Variants in MET observed in about 807,000 individuals in gnomAD.
MET encodes MET proto-oncogene, receptor tyrosine kinase.
In MET, 48 loss-of-function variants were observed where a neutral mutation model predicts 133.1. The ratio of observed to expected loss-of-function variants is 0.36; its 90% CI spans 0.29 to 0.46. The LOEUF is 0.46. Among genes scored for constraint, MET ranks in the 20% least tolerant of loss-of-function variants. MET has a pLI of 1.00. For missense variants in MET, 1,442 were observed against 1,695.9 expected (o/e 0.85, Z 2.63); for synonymous variants, 628 against 616.5 (o/e 1.02, Z -0.28).
At chr7:116,734,428 A>T (rs1370635970) in intron 3 of MET, among the ~76,000 whole-genome samples, 1 of 152,230 alleles carries the variant, frequency 6.6e-6, no homozygotes, top group Non-Finnish European at 1.5e-5. Flanking sequence ...GTTGGGTGCA[A>T]AGTGAATCAG....
intron 5 of MET, among the ~76,000 whole-genome samples, chr7:116,753,798 C>G (rs1478211081): frequency 6.6e-6 from 1 of 152,114 alleles, no homozygotes; most frequent in Admixed American, 6.6e-5. Flanking sequence ...TGGTATACAT[C>G]AAATAGTGAC....
At position 116,771,893 on chromosome 7, in the gene MET, C is replaced by T. The variant is rs2116996437; in HGVS notation, c.2932C>T (p.Pro978Ser). ...LVRYDARVHTPHLDRLVSARS... is the reference protein window; with the variant it reads ...LVRYDARVHTSHLDRLVSARS... The stretch of plus-strand genomic sequence containing the variant: ...TCGCTACGATGCAAGAGTACACACT[C>T]CTCATTTGGATAGGCTTGTAAGTGC... The change falls in exon 14 of 21, where the codon CCT becomes TCT. Residue 978 changes from proline to serine, a missense_variant. Physicochemically the swap from Pro to Ser is moderately conservative, Grantham distance 74 (BLOSUM62 -1). Coordinates refer to ENST00000397752, the MANE Select transcript of MET (RefSeq NM_000245.4). 1.9e-6 allele frequency: 3 copies of T among 1,613,900 alleles called. No homozygotes were observed. Among genetic ancestry groups the T allele is most frequent in the Non-Finnish European group, 2.5e-6 (3 of 1,179,874 alleles).
At chr7:116,685,343 C>T (rs1486326736) in intron 1 of MET, among the ~76,000 whole-genome samples, 1 of 152,210 alleles carries the variant, frequency 6.6e-6, no homozygotes, top group Non-Finnish European at 1.5e-5. Context: ...GGGACTCAAA[C>T]ATCCAACTGC....
intron 3 of MET, among the ~76,000 whole-genome samples, chr7:116,732,234 A>G (rs376408065): frequency 6.6e-6 from 1 of 152,222 alleles, no homozygotes; most frequent in Admixed American, 6.5e-5. Flanking sequence ...TGTGTGAACC[A>G]TGCATCTTCA....
chr7:116,700,042 G>A lies in MET; in HGVS notation c.958G>A (p.Ala320Thr), dbSNP rs2116601833. The A allele has an allele frequency of 6.2e-7, 1 of 1,613,952 alleles. No homozygotes were observed. The highest frequency in any genetic ancestry group is 8.5e-7 in the Non-Finnish European group (1 of 1,179,960). Residue 320 changes from alanine to threonine, a missense_variant, in exon 2 of 21, where the codon GCG becomes ACG. By Grantham distance (58) the Ala-to-Thr change is moderately conservative (BLOSUM62 0). Around this residue, in one of 6 missense-constraint regions of MET, gnomAD observed 762 missense variants for 792.4 expected, o/e 0.96. Coordinates refer to ENST00000397752, the MANE Select transcript of MET (RefSeq NM_000245.4). ...GGAAGTGTTTAATATACTTCAGGCT[G>A]CGTATGTCAGCAAGCCTGGGGCCCA... is the stretch of plus-strand genomic sequence containing the variant. ...KKEVFNILQA[A>T]YVSKPGAQLA...
At chr7:116,674,496 T>C (rs948354471) in intron 1 of MET, among the ~76,000 whole-genome samples, 1 of 152,240 alleles carries the variant, frequency 6.6e-6, no homozygotes, top group Non-Finnish European at 1.5e-5. Context: ...TAGCTGTTTT[T>C]AAAATAGTGT....
intron 14 of MET, among the ~76,000 whole-genome samples, chr7:116,774,560 A>G (rs531739175): frequency 1.3e-5 from 2 of 152,330 alleles, no homozygotes; most frequent in Admixed American, 1.3e-4. Context: ...CAATTGCTCA[A>G]CTACCTTTGC....
intron 5 of MET, 133 bp from the exon 6 acceptor site, chr7:116,755,222 T>A: frequency 8.9e-7 from 1 of 1,117,660 alleles, no homozygotes; most frequent in Non-Finnish European, 1.3e-6. Flanking sequence ...GAAAATTAAA[T>A]TTTTACTAAA....
In MET at chr7:116,757,173, C is replaced by T. The variant is rs552517211; in HGVS notation, c.1863-264C>T. The stretch of plus-strand genomic sequence containing the variant: ...CCTTGAGCCCAGGAGTTCAAGGCTG[C>T]AGTGAGCTATGACTATGCCACTGCC... On this transcript the variant is annotated intron_variant, in intron 6 of 20. Transcript: ENST00000397752. Among the ~76,000 whole-genome samples the T allele has an allele frequency of 2.6e-5, 4 of 152,264 alleles. No homozygotes were observed. The East Asian group carries it at 7.7e-4, about 29-fold the overall frequency.
chr7:116,737,552 A>G (rs941998316), intron 3 of MET, among the ~76,000 whole-genome samples: 5 of 152,214 alleles, frequency 3.3e-5, no homozygotes, highest in African/African-American at 1.2e-4. Context: ...AATCTGACTC[A>G]TGTACTTTCT....
At chr7:116,692,325 C>T (rs1414341893) in intron 1 of MET, among the ~76,000 whole-genome samples, 1 of 152,164 alleles carries the variant, frequency 6.6e-6, no homozygotes, top group Non-Finnish European at 1.5e-5. Flanking sequence ...GAAAATTAAT[C>T]CCTAAAGAAA....
chr7:116,748,058 C>T (rs1250378386), intron 5 of MET, among the ~76,000 whole-genome samples: 2 of 152,190 alleles, frequency 1.3e-5, no homozygotes, highest in African/African-American at 4.8e-5. Flanking sequence ...TCCTGACTAA[C>T]ATGGTGAAAC....
chr7:116,771,534 G>A lies in MET; in HGVS notation c.2767G>A (p.Val923Ile), dbSNP rs1794832354. 1 of 1,613,874 alleles carries A rather than the reference G, an allele frequency of 6.2e-7. No homozygotes were observed. The highest frequency in any genetic ancestry group is 1.3e-5 in the African/African-American group (1 of 75,022). ...QAISSTVLGK[V>I]IVQPDQNFTG... ...AATTTCTTCAACCGTCCTTGGAAAAGTAATAGTTCAACCAGATCAGAATTT... is the reference window on the plus strand; with the variant it reads ...AATTTCTTCAACCGTCCTTGGAAAAATAATAGTTCAACCAGATCAGAATTT... Residue 923 changes from valine to isoleucine, a missense_variant, in exon 13 of 21, where the codon GTA becomes ATA. Val to Ile is a conservative substitution (Grantham distance 29). Coordinates refer to ENST00000397752, the MANE Select transcript of MET (RefSeq NM_000245.4).
intron 2 of MET, chr7:116,724,957 T>C: frequency 2.2e-6 from 2 of 924,968 alleles, no homozygotes; most frequent in Non-Finnish European, 2.9e-6. Flanking sequence ...TTGTAAACAC[T>C]AGGAACAAAT....
intron 1 of MET, among the ~76,000 whole-genome samples, chr7:116,698,546 A>G (rs1584874912): frequency 6.6e-6 from 1 of 152,226 alleles, no homozygotes; most frequent in Non-Finnish European, 1.5e-5. Context: ...TCTAGAATTT[A>G]TGATTGTTTT....
chr7:116,792,452 G>GAC (rs1795535309), intron 19 of MET, among the ~76,000 whole-genome samples: 4 of 33,802 alleles, frequency 1.2e-4, no homozygotes, highest in Non-Finnish European at 2.1e-4. Flanking sequence ...CCCCTCAACC[G>GAC]ACAGACACAC....
intron 19 of MET, among the ~76,000 whole-genome samples, chr7:116,792,687 G>C (rs1175638209): frequency 1.3e-5 from 2 of 152,002 alleles, no homozygotes; most frequent in Non-Finnish European, 2.9e-5. Flanking sequence ...GCTATTTTCT[G>C]ATACCCAGTT....
chr7:116,710,830 AAAG>A (rs761551984), intron 2 of MET, among the ~76,000 whole-genome samples: 7 of 152,212 alleles, frequency 4.6e-5, no homozygotes, highest in Non-Finnish European at 8.8e-5. Flanking sequence ...ACTCATGAAA[AAAG>A]AAGGATTATG....
intron 2 of MET, among the ~76,000 whole-genome samples, chr7:116,706,313 C>T (rs1272631805): frequency 2.0e-5 from 3 of 152,116 alleles, no homozygotes; most frequent in Admixed American, 6.5e-5. Flanking sequence ...GATTTCTACA[C>T]GGAGATTCAT....
Sources: gnomAD v4.1 joint callset for allele counts (sites outside exome capture counted in the v4.1 genomes callset) on GRCh38, gnomAD v4.1.1 for gene constraint, gnomAD v4.1.1 regional missense constraint, MANE v1.5 for transcripts, NCBI Gene and HGNC (gene_info 2026-07-23, HGNC 2026-07-21) for gene names.